Variants in WWOX observed in about 807,000 individuals in gnomAD.
WWOX encodes WW domain containing oxidoreductase.
In WWOX, 69 loss-of-function variants were observed where a neutral mutation model predicts 46.2. The ratio of observed to expected loss-of-function variants is 1.49; its 90% CI spans 1.23 to 1.82. The LOEUF is 1.82. Among genes scored for constraint, WWOX ranks in the 40% most tolerant of loss-of-function variants. The pLI, the probability that WWOX is intolerant of heterozygous loss-of-function variation, is 0.00. For synonymous variants in WWOX, 359 were observed against 202.6 expected (o/e 1.77, Z -6.56); for missense variants, 919 against 542.6 (o/e 1.69, Z -6.89).
chr16:78,808,240 C>T (rs78694426), intron 8 of WWOX, among the ~76,000 whole-genome samples: 1 of 152,200 alleles, frequency 6.6e-6, no homozygotes, highest in Non-Finnish European at 1.5e-5. Flanking sequence ...GACCCTGAAC[C>T]TCTAGTCCTC....
intron 8 of WWOX, among the ~76,000 whole-genome samples, chr16:78,853,862 A>T (rs1250665993): frequency 1.3e-5 from 2 of 152,160 alleles, no homozygotes; most frequent in Non-Finnish European, 2.9e-5. Flanking sequence ...GGTAAAATGG[A>T]TGCTGACTGT....
chr16:79,108,124 G>T (rs78726035), intron 8 of WWOX, among the ~76,000 whole-genome samples: 1 of 152,250 alleles, frequency 6.6e-6, no homozygotes, highest in Admixed American at 6.5e-5. Context: ...ATAATTGGGG[G>T]GAAACCTAAA....
intron 5 of WWOX, among the ~76,000 whole-genome samples, chr16:78,286,756 T>C (rs4427816): frequency 0.28 from 42,147 of 151,922 alleles, 6,342 homozygotes; most frequent in East Asian, 0.39. Context: ...TTATGTACCC[T>C]ATACCTATTA....
intron 8 of WWOX, among the ~76,000 whole-genome samples, chr16:78,655,536 T>C (rs1159869018): frequency 1.3e-5 from 2 of 152,194 alleles, no homozygotes; most frequent in Non-Finnish European, 1.5e-5. Context: ...ATTAAAATAA[T>C]CTTTAATCCC....
chr16:78,891,647 A>G (rs1245203891), intron 8 of WWOX: 1 of 152,180 alleles, frequency 6.6e-6, no homozygotes, highest in Non-Finnish European at 1.5e-5. Context: ...GGCATAAAAT[A>G]TTGAACTATT....
chr16:79,047,849 A>C (rs773748972), intron 8 of WWOX, among the ~76,000 whole-genome samples: 1 of 151,930 alleles, frequency 6.6e-6, no homozygotes, highest in Non-Finnish European at 1.5e-5. Flanking sequence ...TGCATGAATG[A>C]AGGAAAGAAA....
chr16:78,389,475 T>A (rs1453587863), intron 6 of WWOX, among the ~76,000 whole-genome samples: 1 of 152,132 alleles, frequency 6.6e-6, no homozygotes, highest in Non-Finnish European at 1.5e-5. Flanking sequence ...TGGGAGGGAA[T>A]GATAATGACA....
At chr16:78,841,911 G>T (rs981560779) in intron 8 of WWOX, among the ~76,000 whole-genome samples, 4 of 152,122 alleles carry the variant, frequency 2.6e-5, no homozygotes, top group African/African-American at 9.7e-5. Flanking sequence ...CGATTATTGG[G>T]CTTGAGTATC....
Position 78,435,403 on chromosome 16 carries a change from T to C in WWOX, c.1056+2651T>C, listed in dbSNP as rs932900490. ...CTCAGAGACTACTTGTGAACAGGCC[T>C]CAATGCCTATAGCAAGGCAAGGCTT... On this transcript the variant is annotated intron_variant, in intron 8 of 8. Coordinates refer to ENST00000566780, the MANE Select transcript of WWOX (RefSeq NM_016373.4). 5.9e-5 allele frequency among the ~76,000 whole-genome samples: 9 copies of C among 152,304 alleles called. No homozygotes were observed. The East Asian group carries it at 1.7e-3, about 29-fold the overall frequency.
chr16:78,125,331 G>C (rs376949008), intron 4 of WWOX, among the ~76,000 whole-genome samples: 2 of 152,274 alleles, frequency 1.3e-5, no homozygotes, highest in East Asian at 3.9e-4. Flanking sequence ...TTGAGTCTGT[G>C]CCTGGGGCCC....
chr16:78,635,673 G>C lies in WWOX; in HGVS notation c.1056+202921G>C, dbSNP rs58859054. ...TGACCAGCATTCACACAGGCACTAA[G>C]ACGGTGAGTACTCACTACTTAGCGC... is the stretch of plus-strand genomic sequence containing the variant. On this transcript the variant is annotated intron_variant, in intron 8 of 8. Transcript: ENST00000566780. Among the ~76,000 whole-genome samples the C allele has an allele frequency of 3.3e-3, 508 of 152,276 alleles. 3 individuals are homozygous for C. The highest frequency in any genetic ancestry group is 0.012 in the African/African-American group (487 of 41,558).
chr16:78,995,760 C>T (rs893718307), intron 8 of WWOX, among the ~76,000 whole-genome samples: 8 of 152,084 alleles, frequency 5.3e-5, no homozygotes, highest in African/African-American at 1.9e-4. Flanking sequence ...TGTTTATGAA[C>T]CCTGCAATTT....
chr16:78,966,005 T>C (rs1356185092), intron 8 of WWOX, among the ~76,000 whole-genome samples: 1 of 152,188 alleles, frequency 6.6e-6, no homozygotes, highest in Admixed American at 6.5e-5. Context: ...AGAACAAGAA[T>C]GGAAAAAGTT....
At chr16:78,610,931 A>G (rs1239648246) in intron 8 of WWOX, among the ~76,000 whole-genome samples, 4 of 152,164 alleles carry the variant, frequency 2.6e-5, no homozygotes, top group Non-Finnish European at 4.4e-5. Flanking sequence ...GACAGTGAGA[A>G]CGAACGGAAT....
chr16:78,493,077 G>A (rs902109678), intron 8 of WWOX, among the ~76,000 whole-genome samples: 1 of 152,218 alleles, frequency 6.6e-6, no homozygotes, highest in Non-Finnish European at 1.5e-5. Flanking sequence ...CTAGCCCCCT[G>A]TACAGCACAC....
chr16:79,129,391 G>T (rs139029859), intron 8 of WWOX, among the ~76,000 whole-genome samples: 4 of 147,316 alleles, frequency 2.7e-5, no homozygotes, highest in South Asian at 4.5e-4. Context: ...AGTCTATCTC[G>T]TATGGAACGA....
At chr16:78,691,175 G>C in intron 8 of WWOX, 1 of 697,488 alleles carries the variant, frequency 1.4e-6, no homozygotes, top group African/African-American at 1.8e-5. Flanking sequence ...GTGTTTGTGC[G>C]ATAAGAGAAT....
chr16:78,141,445 T>G (rs1405063577), intron 4 of WWOX, among the ~76,000 whole-genome samples: 1 of 150,954 alleles, frequency 6.6e-6, no homozygotes, highest in African/African-American at 2.4e-5. Context: ...TTTTTTTTTT[T>G]TTTTGCATCC....
At chr16:78,800,506 C>T (rs77345484) in intron 8 of WWOX, among the ~76,000 whole-genome samples, 1 of 152,132 alleles carries the variant, frequency 6.6e-6, no homozygotes, top group Non-Finnish European at 1.5e-5. Context: ...ATTTGGAGGT[C>T]TAGGAACGGG....
Sources: gnomAD v4.1 joint callset for allele counts (sites outside exome capture counted in the v4.1 genomes callset) on GRCh38, gnomAD v4.1.1 for gene constraint, MANE v1.5 for transcripts, NCBI Gene and HGNC (gene_info 2026-07-23, HGNC 2026-07-21) for gene names.